The following RAD54L2 variants were observed in gnomAD, a reference collection of about 807,000 sequenced individuals.
The protein encoded by RAD54L2 is helicase ARIP4.
RAD54L2 carries 27 observed loss-of-function variants against 138.4 expected under a neutral mutation model. The observed-to-expected ratio is 0.20, with a 90% CI of 0.14 to 0.27. The LOEUF is 0.27. Among genes scored for constraint, RAD54L2 ranks in the 10% least tolerant of loss-of-function variants. The pLI, the probability that RAD54L2 is intolerant of heterozygous loss-of-function variation, is 1.00. For synonymous variants in RAD54L2, 644 were observed against 723.2 expected, an observed-to-expected ratio of 0.89 and a Z score of 1.76; for missense variants, 1,396 against 1,890.2, an observed-to-expected ratio of 0.74 and a Z score of 4.85.
rs1701718058 is a variant in RAD54L2, at chr3:51,660,023, T to C, written c.3317-3T>C. 1 of 1,570,048 alleles carries C rather than the reference T, an allele frequency of 6.4e-7. No individual in the cohort carries two copies. The highest frequency in any genetic ancestry group is 8.7e-7 in the Non-Finnish European group (1 of 1,145,996). On this transcript the variant is annotated splice_polypyrimidine_tract_variant and splice_region_variant and intron_variant, in intron 21 of 22. Coordinates refer to ENST00000684192, the MANE Select transcript of RAD54L2 (RefSeq NM_015106.4). Reference sequence around the variant, plus strand: ...TAACTGTCTTCTTCGTGTCTATTCTTAGGGACGTACATCCGTACCAGTGAT... The same window carrying C: ...TAACTGTCTTCTTCGTGTCTATTCTCAGGGACGTACATCCGTACCAGTGAT...
chr3:51,635,796 A>G lies in RAD54L2; in HGVS notation c.1339+7A>G, dbSNP rs1700971076. On this transcript the variant is annotated splice_region_variant and intron_variant, in intron 10 of 22. Transcript: ENST00000684192. ...CAGCAGGAGTTTCGGAGAGGTGGGCAGCCTATCCCAGGAATACTCTTGTTG... is the reference window on the plus strand; with the variant it reads ...CAGCAGGAGTTTCGGAGAGGTGGGCGGCCTATCCCAGGAATACTCTTGTTG... 1 of 1,602,924 alleles carries G rather than the reference A, an allele frequency of 6.2e-7. No homozygotes were observed.
rs753480634 is a variant in RAD54L2, at chr3:51,656,075, T to G, written c.3131T>G (p.Val1044Gly). 3.7e-6 allele frequency: 6 copies of G among 1,613,870 alleles called. No homozygotes were observed. The highest frequency in any genetic ancestry group is 5.1e-6 in the Non-Finnish European group (6 of 1,179,896). ...MPRHVPLGGS[V>G]SSASSTNPSM... ...CGGCATGTCCCATTGGGAGGAAGTG[T>G]AAGCTCTGCCTCCAGCACAAATCCA... The change falls in exon 20 of 23, where the codon GTA becomes GGA. Residue 1044 changes from valine to glycine, a missense_variant. This residue lies in a region of RAD54L2 where 634 missense variants were observed against 711.2 expected (regional missense o/e 0.89). Coordinates refer to ENST00000684192, the MANE Select transcript of RAD54L2 (RefSeq NM_015106.4).
chr3:51,661,821 C>T (rs1006806923), intron 22 of RAD54L2, among the ~76,000 whole-genome samples: 16 of 152,094 alleles, frequency 1.1e-4, no homozygotes, highest in African/African-American at 3.4e-4. Flanking sequence ...ATTCGTAAGT[C>T]GAAGATATAT....
intron 2 of RAD54L2, among the ~76,000 whole-genome samples, chr3:51,547,848 C>T (rs1698734908): frequency 6.6e-6 from 1 of 151,922 alleles, no homozygotes; most frequent in Non-Finnish European, 1.5e-5. Context: ...TCACCAAGTG[C>T]GGGGATTACA....
chr3:51,549,821 A>G (rs1308223368), intron 2 of RAD54L2, among the ~76,000 whole-genome samples: 1 of 150,022 alleles, frequency 6.7e-6, no homozygotes, highest in Non-Finnish European at 1.5e-5. Context: ...AAATGGATGT[A>G]TTCTGGCTTG....
chr3:51,592,855 G>A (rs1699869104), intron 3 of RAD54L2, among the ~76,000 whole-genome samples: 1 of 152,160 alleles, frequency 6.6e-6, no homozygotes, highest in Non-Finnish European at 1.5e-5. Flanking sequence ...GATTACAGGC[G>A]TGATCCACAC....
chr3:51,654,559 T>TTATTTC (rs1701548628), intron 19 of RAD54L2, among the ~76,000 whole-genome samples: 1 of 152,166 alleles, frequency 6.6e-6, no homozygotes, highest in Admixed American at 6.5e-5. Context: ...CTTTCAGGCT[T>TTATTTC]TATTTCTGTC....
Position 51,657,613 on chromosome 3 carries a change from A to T in RAD54L2, c.3260A>T (p.Asp1087Val), listed in dbSNP as rs1010463760. ...ATTCCTGGACTCAACAGCTCCACAGATGTACAGGCAAGAATTAATGCTGGT... is the reference window on the plus strand; with the variant it reads ...ATTCCTGGACTCAACAGCTCCACAGTTGTACAGGCAAGAATTAATGCTGGT... ...IVIPGLNSST[D>V]VQARINAGES... is the part of the protein sequence containing the mutation. Residue 1087 changes from aspartate to valine, a missense_variant, in exon 21 of 23, where the codon GAT (aspartate) becomes GTT (valine). This residue lies in a region of RAD54L2 where 634 missense variants were observed against 711.2 expected (regional missense o/e 0.89). Coordinates refer to ENST00000684192, the MANE Select transcript of RAD54L2 (RefSeq NM_015106.4). The T allele has an allele frequency of 1.3e-6, 2 of 1,584,754 alleles. No individual in the cohort carries two copies. The highest frequency in any genetic ancestry group is 1.8e-5 in the Admixed American group (1 of 56,278).
intron 6 of RAD54L2, 21 bp from the exon 7 acceptor site, chr3:51,630,684 T>C (rs1189614842): frequency 1.9e-6 from 3 of 1,600,434 alleles, no homozygotes; most frequent in Non-Finnish European, 2.6e-6. Context: ...TTTTTGGTTT[T>C]GCTTTTTTTT....
chr3:51,547,289 T>C (rs1380168267), intron 2 of RAD54L2, among the ~76,000 whole-genome samples: 2 of 152,110 alleles, frequency 1.3e-5, no homozygotes, highest in Admixed American at 6.6e-5. Flanking sequence ...GGCGGGACGA[T>C]TGCCTGAACT....
chr3:51,555,529 C>T (rs1361084908), intron 2 of RAD54L2, among the ~76,000 whole-genome samples: 4 of 152,160 alleles, frequency 2.6e-5, no homozygotes, highest in African/African-American at 9.7e-5. Context: ...TGGTGTTGCA[C>T]ACCTGTAATC....
chr3:51,560,605 C>T (rs1450557434), intron 2 of RAD54L2, among the ~76,000 whole-genome samples: 2 of 152,132 alleles, frequency 1.3e-5, no homozygotes, highest in Non-Finnish European at 2.9e-5. Flanking sequence ...GATCCACCTG[C>T]CTCTGCCTCC....
At chr3:51,586,431 GT>G (rs538266040) in intron 2 of RAD54L2, among the ~76,000 whole-genome samples, 207 of 134,188 alleles carry the variant, frequency 1.5e-3, no homozygotes, top group South Asian at 4.1e-3. Flanking sequence ...TGTTGCCTTT[GT>G]TTTTTTTTTT....
At chr3:51,624,560 T>G (rs1259619674) in intron 3 of RAD54L2, among the ~76,000 whole-genome samples, 2 of 152,074 alleles carry the variant, frequency 1.3e-5, no homozygotes, top group Non-Finnish European at 2.9e-5. Flanking sequence ...CTTGGCCTGT[T>G]TTAGTTCTTA....
chr3:51,649,816 A>G (rs977564231), intron 19 of RAD54L2, among the ~76,000 whole-genome samples: 15 of 152,352 alleles, frequency 9.8e-5, no homozygotes, highest in Admixed American at 9.1e-4. Flanking sequence ...AACCGGTACC[A>G]GCCACTGCAA....
chr3:51,572,279 C>T (rs1699353543), intron 2 of RAD54L2, among the ~76,000 whole-genome samples: 2 of 151,956 alleles, frequency 1.3e-5, no homozygotes, highest in South Asian at 4.2e-4. Flanking sequence ...TGAAAGCGCC[C>T]CCGTTTCTAC....
chr3:51,655,938 A>C, intron 19 of RAD54L2, 33 bp from the exon 20 acceptor site: 2 of 1,553,136 alleles, frequency 1.3e-6, no homozygotes, highest in East Asian at 4.5e-5. Context: ...TGTTCTGCCA[A>C]ACTCTTTTAG....
intron 3 of RAD54L2, among the ~76,000 whole-genome samples, chr3:51,594,113 C>A (rs558687856): frequency 6.9e-6 from 1 of 144,982 alleles, no homozygotes; most frequent in South Asian, 2.2e-4. Flanking sequence ...CTCTTTTGCC[C>A]AGGCTGGAGT....
chr3:51,647,952 T>G (rs958586349), intron 19 of RAD54L2, among the ~76,000 whole-genome samples: 7 of 152,100 alleles, frequency 4.6e-5, no homozygotes, highest in Admixed American at 2.0e-4. Context: ...GGTTAGACAA[T>G]GGGTGCAGCC....
Sources: gnomAD v4.1 joint callset for allele counts (sites outside exome capture counted in the v4.1 genomes callset) on GRCh38, gnomAD v4.1.1 for gene constraint, gnomAD v4.1.1 regional missense constraint, MANE v1.5 for transcripts, NCBI Gene and HGNC (gene_info 2026-07-23, HGNC 2026-07-21) for gene names.